AKR1E2: variants seen among roughly 807,000 people sequenced by gnomAD.
The protein encoded by AKR1E2 is 1,5-anhydro-D-fructose reductase.
Under a neutral mutation model 41.9 loss-of-function variants are expected in AKR1E2, and 43 were observed. The observed-to-expected ratio is 1.03, with a 90% CI of 0.80 to 1.32. The LOEUF (loss-of-function observed/expected upper bound fraction) is 1.32, where lower values mean the gene tolerates loss of function less well. AKR1E2 is among the 40% of genes most tolerant of loss of function. The pLI is 0.00. For missense variants in AKR1E2, 423 were observed against 396.5 expected (o/e 1.07, Z -0.57); for synonymous variants, 121 against 138.9 (o/e 0.87, Z 0.91).
At chr10:4,850,242 C>A (rs917136904), downstream of AKR1E2, among the ~76,000 whole-genome samples, 1 of 152,182 alleles carries the variant, frequency 6.6e-6, no homozygotes, top group South Asian at 2.1e-4. Flanking sequence ...TTAAGGGACC[C>A]TCTGCGTCAA....
At chr10:4,836,671 G>T (rs766434188) in intron 4 of AKR1E2, among the ~76,000 whole-genome samples, 1 of 152,186 alleles carries the variant, frequency 6.6e-6, no homozygotes, top group Admixed American at 6.5e-5. Context: ...CTGACCTAAG[G>T]TATCTGAGAT....
At chr10:4,827,313 G>A (rs1362938664) in intron 1 of AKR1E2, among the ~76,000 whole-genome samples, 1 of 151,598 alleles carries the variant, frequency 6.6e-6, no homozygotes, top group Non-Finnish European at 1.5e-5. Context: ...ATTATTGTTT[G>A]TGGTAAGATG....
At chr10:4,826,534 C>G (rs1048977215) in intron 1 of AKR1E2, among the ~76,000 whole-genome samples, 171 bp downstream of exon 1, 7 of 152,312 alleles carry the variant, frequency 4.6e-5, no homozygotes, top group Non-Finnish European at 7.3e-5. Flanking sequence ...CACAAGCAGC[C>G]CGGCCCGGCC....
chr10:4,836,821 T>G (rs1253721269), intron 4 of AKR1E2, among the ~76,000 whole-genome samples: 1 of 152,226 alleles, frequency 6.6e-6, no homozygotes, highest in African/African-American at 2.4e-5. Context: ...AGTAACTAAC[T>G]GCTGCGTGTT....
chr10:4,859,828 CTG>C, the AKR1E2 span, among the ~76,000 whole-genome samples: 1,006 of 152,334 alleles, frequency 6.6e-3, 13 homozygotes, highest in African/African-American at 0.023. Flanking sequence ...AGCAGTGGCT[CTG>C]TGTAAGATCA....
the AKR1E2 span, among the ~76,000 whole-genome samples, chr10:4,864,975 A>T: frequency 6.6e-6 from 1 of 152,226 alleles, no homozygotes; most frequent in African/African-American, 2.4e-5. Flanking sequence ...TATGTACCAA[A>T]ATCCCAATTT....
At chr10:4,847,288 G>C in intron 9 of AKR1E2, 58 bp downstream of exon 9, 1 of 1,608,434 alleles carries the variant, frequency 6.2e-7, no homozygotes, top group East Asian at 2.2e-5. Context: ...TGAATGATTG[G>C]TGTCTGAATA....
the AKR1E2 span, among the ~76,000 whole-genome samples, chr10:4,862,706 GTT>G: frequency 3.9e-5 from 6 of 152,068 alleles, no homozygotes; most frequent in Admixed American, 1.3e-4. Flanking sequence ...GTGAATGGGA[GTT>G]CACTCATGAT....
the AKR1E2 span, among the ~76,000 whole-genome samples, chr10:4,859,565 G>A: frequency 6.6e-6 from 1 of 152,194 alleles, no homozygotes; most frequent in African/African-American, 2.4e-5. Flanking sequence ...GAAAAGGAGA[G>A]GTGAGGCTAA....
downstream of AKR1E2, among the ~76,000 whole-genome samples, chr10:4,849,271 A>G (rs1834478101): frequency 6.6e-6 from 1 of 152,208 alleles, no homozygotes. Context: ...GTCCACCACC[A>G]TGGACCTTTA....
the AKR1E2 span, among the ~76,000 whole-genome samples, chr10:4,867,814 C>A: frequency 6.6e-6 from 1 of 152,288 alleles, no homozygotes; most frequent in East Asian, 1.9e-4. Flanking sequence ...TGATGTGACT[C>A]ATTGTCTGGG....
chr10:4,862,368 G>A, the AKR1E2 span, among the ~76,000 whole-genome samples: 1 of 152,182 alleles, frequency 6.6e-6, no homozygotes. Context: ...GTAGTGTGAT[G>A]CCTCCAGCTT....
downstream of AKR1E2, among the ~76,000 whole-genome samples, chr10:4,848,849 C>T (rs1834471468): frequency 6.6e-6 from 1 of 152,186 alleles, no homozygotes; most frequent in South Asian, 2.1e-4. Context: ...CACCTCCCAG[C>T]CTTCAGTGTC....
At chr10:4,835,286 G>T (rs975293154) in intron 3 of AKR1E2, among the ~76,000 whole-genome samples, 5 of 152,192 alleles carry the variant, frequency 3.3e-5, no homozygotes, top group African/African-American at 1.2e-4. Flanking sequence ...AAGAAGACAA[G>T]ACCCTAACAG....
chr10:4,845,878 G>A (rs2131572337), intron 8 of AKR1E2: 2 of 470,036 alleles, frequency 4.3e-6, no homozygotes, highest in South Asian at 3.1e-5. Flanking sequence ...TGATGGCTGA[G>A]GACAGACAGC....
the AKR1E2 span, among the ~76,000 whole-genome samples, chr10:4,863,040 AG>A: frequency 0.033 from 5,021 of 152,272 alleles, 125 homozygotes; most frequent in East Asian, 0.063. Flanking sequence ...TGTCAACATT[AG>A]ACAGATCAAC....
Position 4,841,963 on chromosome 10 carries a change from G to C in AKR1E2, c.753+106G>C, listed in dbSNP as rs1011839076. 5.7e-5 allele frequency: 57 copies of C among 1,005,908 alleles called. No individual in the cohort carries two copies. The African/African-American group carries it at 8.5e-4, about 15-fold the overall frequency. 62.3% of individuals were successfully genotyped at this position (1,005,908 alleles called of 1,614,324 possible). Reference sequence around the variant, plus strand: ...TCCCAGGAAGGGACTGGCTCACCCAGGTGAGTCCATGACTCATTAGAACCT... The same window carrying C: ...TCCCAGGAAGGGACTGGCTCACCCACGTGAGTCCATGACTCATTAGAACCT... On this transcript the variant is annotated intron_variant, in intron 7 of 9. Transcript: ENST00000298375.
chr10:4,839,631 C>G lies in AKR1E2; in HGVS notation c.583-98C>G, dbSNP rs2290350. 0.04 allele frequency: 44,558 copies of G among 1,120,374 alleles called. 1,198 individuals carry two copies. The highest frequency in any genetic ancestry group is 0.12 in the East Asian group (5,072 of 41,350). 69.4% of individuals were successfully genotyped at this position (1,120,374 alleles called of 1,614,324 possible). A position where few individuals can be genotyped will look rare whatever the true frequency, so the allele number is the denominator to read the frequency against. On this transcript the variant is annotated intron_variant, in intron 5 of 9. Coordinates refer to ENST00000298375, the MANE Select transcript of AKR1E2 (RefSeq NM_001040177.3). ...GGCCTGGAGCTGGGCCCCATGGCTA[C>G]TCGGTGACAGCCAAGACTTTGACGC...
intron 1 of AKR1E2, among the ~76,000 whole-genome samples, chr10:4,827,087 A>AAAAG (rs199853541): frequency 1.3e-4 from 19 of 150,368 alleles, no homozygotes; most frequent in African/African-American, 4.4e-4. Flanking sequence ...AAAAAAAAAA[A>AAAAG]AAAAAAGAAA....
Sources: gnomAD v4.1 joint callset for allele counts (sites outside exome capture counted in the v4.1 genomes callset) on GRCh38, gnomAD v4.1.1 for gene constraint, MANE v1.5 for transcripts, NCBI Gene and HGNC (gene_info 2026-07-23, HGNC 2026-07-21) for gene names.